The following FBXL13 variants were observed in gnomAD, a reference collection of about 807,000 sequenced individuals.
The protein encoded by FBXL13 is F-box and leucine-rich repeat protein 13.
Under a neutral mutation model 83.6 loss-of-function variants are expected in FBXL13, and 67 were observed. The observed-to-expected ratio is 0.80, with a 90% confidence interval of 0.66 to 0.98. The LOEUF is 0.98. FBXL13 is among the 50% of genes least tolerant of loss of function. The pLI is 0.00. For synonymous variants in FBXL13, 272 were observed against 299.5 expected, an observed-to-expected ratio of 0.91 and a Z score of 0.95; for missense variants, 822 against 866.5, an observed-to-expected ratio of 0.95 and a Z score of 0.64.
At chr7:102,954,642 A>C (rs541102734) in intron 8 of FBXL13, among the ~76,000 whole-genome samples, 1 of 152,232 alleles carries the variant, frequency 6.6e-6, no homozygotes, top group Non-Finnish European at 1.5e-5. Context: ...TGTATTCAGG[A>C]GACCCATCTC....
chr7:102,954,650 C>G (rs986116777), intron 8 of FBXL13, among the ~76,000 whole-genome samples: 5 of 152,170 alleles, frequency 3.3e-5, no homozygotes, highest in African/African-American at 1.2e-4. Context: ...GGAGACCCAT[C>G]TCATGTGCAA....
intron 14 of FBXL13, among the ~76,000 whole-genome samples, chr7:102,878,666 A>C (rs1206934448): frequency 1.3e-5 from 2 of 152,204 alleles, no homozygotes; most frequent in East Asian, 3.8e-4. Flanking sequence ...ATTAATTAAA[A>C]TGTTATTTCT....
chr7:102,985,452 A>C (rs1828827519), intron 6 of FBXL13, among the ~76,000 whole-genome samples: 1 of 152,240 alleles, frequency 6.6e-6, no homozygotes, highest in African/African-American at 2.4e-5. Context: ...ATAACTAACC[A>C]ACAACCCACA....
At position 102,963,669 on chromosome 7, in the gene FBXL13, A is replaced by G. The variant is rs1434878503; in HGVS notation, c.592-4T>C. 3 of 1,590,668 alleles carry G rather than the reference A, an allele frequency of 1.9e-6. No individual in the cohort carries two copies. Among genetic ancestry groups the G allele is most frequent in the Non-Finnish European group, 2.6e-6 (3 of 1,173,896 alleles). On this transcript the variant is annotated splice_polypyrimidine_tract_variant and splice_region_variant and intron_variant, in intron 7 of 19. Transcript: ENST00000313221. ...TTTTCACTGAGGAAAAATCAATCTA[A>G]AAAGAATAAACAAAATGCATTAAGA...
At chr7:102,958,529 TATAATA>T (rs144163542) in intron 8 of FBXL13, among the ~76,000 whole-genome samples, 33,063 of 144,252 alleles carry the variant, frequency 0.23, 4,598 homozygotes, top group African/African-American at 0.4. Flanking sequence ...GAACTTAAAG[TATAATA>T]ATAATAATAA....
chr7:102,914,986 G>A (rs1815546705), intron 10 of FBXL13, among the ~76,000 whole-genome samples: 1 of 152,108 alleles, frequency 6.6e-6, no homozygotes, highest in Admixed American at 6.5e-5. Flanking sequence ...TGTGAGGCAG[G>A]CCGCGTGACA....
chr7:102,832,948 C>T, exon 18 of FBXL13: 2 of 1,614,066 alleles, frequency 1.2e-6, no homozygotes, highest in Non-Finnish European at 1.7e-6. Context: ...CCAAATGTTC[C>T]AAGATCAGTG....
chr7:102,926,511 C>T (rs1818165861), intron 9 of FBXL13, 137 bp from the exon 11 acceptor site: 1 of 627,708 alleles, frequency 1.6e-6, no homozygotes, highest in African/African-American at 1.9e-5. Context: ...TCTTTATCTA[C>T]TATTAGGTTG....
exon 1 of FBXL13, chr7:103,074,525 T>C (rs1327492490): frequency 2.5e-6 from 3 of 1,206,088 alleles, no homozygotes; most frequent in Admixed American, 5.2e-5. Flanking sequence ...TCTTCAGCCC[T>C]GATCGCCTAC....
rs149968856 is a variant in FBXL13 at position 102,917,422 on chromosome 7, A to G, written c.879-4207T>C. Among the ~76,000 whole-genome samples the G allele has an allele frequency of 2.0e-4, 30 of 152,352 alleles. No homozygotes were observed. The East Asian group carries it at 5.8e-3, about 29-fold the overall frequency. On this transcript the variant is annotated intron_variant, in intron 10 of 19. Transcript: ENST00000313221. ...GCACTGTATGCCCAGAACACCTTGCACATACTAGTTGATCAATACATGGTG... is the reference window on the plus strand; with the variant it reads ...GCACTGTATGCCCAGAACACCTTGCGCATACTAGTTGATCAATACATGGTG...
At chr7:102,935,242 CTTTTTTTTTTTTTTTTTT>C (rs71106700) in intron 8 of FBXL13, among the ~76,000 whole-genome samples, 1 of 76,402 alleles carries the variant, frequency 1.3e-5, no homozygotes, top group African/African-American at 5.8e-5. Context: ...TTTTTTCTTT[CTTTTTTTTTTTTTTTTTT>C]TTTTTTTTTG....
chr7:102,942,408 GC>G, intron 8 of FBXL13: 2 of 1,361,414 alleles, frequency 1.5e-6, no homozygotes, highest in Non-Finnish European at 2.0e-6. Flanking sequence ...CATATAAAAT[GC>G]CAGACATTGT....
chr7:102,907,806 T>TA (rs923800928), intron 11 of FBXL13, among the ~76,000 whole-genome samples: 1 of 151,970 alleles, frequency 6.6e-6, no homozygotes, highest in African/African-American at 2.4e-5. Flanking sequence ...AACAGACACA[T>TA]AAAAAAATGC....
intron 16 of FBXL13, among the ~76,000 whole-genome samples, chr7:102,871,390 A>AT (rs1808510064): frequency 6.6e-6 from 1 of 151,402 alleles, no homozygotes; most frequent in African/African-American, 2.4e-5. Flanking sequence ...AAAAAATTTT[A>AT]ATTTTTTTTT....
chr7:102,884,230 G>C (rs752228847), exon 12 of FBXL13: 33 of 1,612,990 alleles, frequency 2.0e-5, no homozygotes, highest in Non-Finnish European at 2.8e-5. Flanking sequence ...ACAGTTGTCC[G>C]TCAGAGTTGG....
At chr7:103,005,369 T>C (rs1418564261) in intron 6 of FBXL13, among the ~76,000 whole-genome samples, 1 of 152,140 alleles carries the variant, frequency 6.6e-6, no homozygotes, top group African/African-American at 2.4e-5. Context: ...CCTGATGGCA[T>C]ATATTTTCTC....
intron 11 of FBXL13, among the ~76,000 whole-genome samples, chr7:102,885,501 T>C (rs1810675506): frequency 6.6e-6 from 1 of 152,172 alleles, no homozygotes; most frequent in South Asian, 2.1e-4. Context: ...TAAGAATTCT[T>C]CATATATTCT....
intron 17 of FBXL13, among the ~76,000 whole-genome samples, chr7:102,844,661 T>C (rs1391864343): frequency 6.6e-6 from 1 of 152,202 alleles, no homozygotes. Flanking sequence ...GGTTTTTCTA[T>C]ACACTGACCA....
chr7:103,045,995 T>A (rs1042237850), intron 2 of FBXL13, among the ~76,000 whole-genome samples: 3 of 152,214 alleles, frequency 2.0e-5, no homozygotes, highest in Non-Finnish European at 2.9e-5. Flanking sequence ...TTTAAAACCT[T>A]CGAGAGAATA....
Sources: allele counts gnomAD v4.1 joint callset (sites outside exome capture counted in the v4.1 genomes callset), GRCh38; gene constraint gnomAD v4.1.1; transcripts MANE v1.5; gene names NCBI Gene and HGNC (gene_info 2026-07-23, HGNC 2026-07-21).